The following BICC1 variants were observed in gnomAD, a reference collection of about 807,000 sequenced individuals.
BICC1 encodes BicC family RNA binding protein 1.
BICC1 carries 43 observed loss-of-function variants against 111.0 expected under a neutral mutation model. The observed-to-expected ratio is 0.39, with a 90% CI of 0.30 to 0.50. The LOEUF (loss-of-function observed/expected upper bound fraction) is 0.50, where lower values mean the gene tolerates loss of function less well. BICC1 is among the 20% of genes least tolerant of loss of function. The probability of loss-of-function intolerance (pLI) is 0.88; values close to 1 mark genes in which losing one functional copy is unlikely to be tolerated. For missense variants in BICC1, 1,091 were observed against 1,203.2 expected, an observed-to-expected ratio of 0.91 and a Z score of 1.38; for synonymous variants, 467 against 434.4, an observed-to-expected ratio of 1.07 and a Z score of -0.93.
chr10:58,656,606 T>A (rs564741941), intron 2 of BICC1, among the ~76,000 whole-genome samples: 1 of 152,048 alleles, frequency 6.6e-6, no homozygotes, highest in South Asian at 2.1e-4. Context: ...AACCACATGA[T>A]TATCTCAATA....
At chr10:58,668,333 A>G (rs1469668638) in intron 2 of BICC1, among the ~76,000 whole-genome samples, 2 of 152,044 alleles carry the variant, frequency 1.3e-5, no homozygotes, top group Non-Finnish European at 2.9e-5. Context: ...TCACTGAATG[A>G]CCTTATAAAA....
intron 3 of BICC1, among the ~76,000 whole-genome samples, chr10:58,756,626 CTTTTTTTTTTTTTTTTTT>C (rs66709538): frequency 3.7e-5 from 5 of 135,928 alleles, no homozygotes; most frequent in East Asian, 4.0e-4. Flanking sequence ...AACTACTAGC[CTTTTTTTTTTTTTTTTTT>C]TTTTTTTTTT....
intron 1 of BICC1, among the ~76,000 whole-genome samples, chr10:58,603,282 G>A (rs530513470): frequency 1.3e-5 from 2 of 152,282 alleles, no homozygotes; most frequent in African/African-American, 2.4e-5. Flanking sequence ...CAACTAGTTA[G>A]GATTATAGGA....
intron 5 of BICC1, among the ~76,000 whole-genome samples, chr10:58,787,874 A>G (rs1843057452): frequency 6.6e-6 from 1 of 152,188 alleles, no homozygotes; most frequent in South Asian, 2.1e-4. Context: ...TGCCAAGACT[A>G]ACACCTTGAG....
chr10:58,763,867 A>G (rs1842386320), intron 3 of BICC1, among the ~76,000 whole-genome samples: 1 of 152,100 alleles, frequency 6.6e-6, no homozygotes, highest in African/African-American at 2.4e-5. Flanking sequence ...ACTAGATAGT[A>G]AAGTTACACA....
intron 2 of BICC1, among the ~76,000 whole-genome samples, chr10:58,634,002 T>C (rs960464384): frequency 2.0e-5 from 3 of 148,286 alleles, no homozygotes; most frequent in African/African-American, 7.5e-5. Flanking sequence ...TTTCTTTTTT[T>C]TTTTTTTTTT....
At chr10:58,561,953 T>G (rs2131951461) in intron 1 of BICC1, among the ~76,000 whole-genome samples, 1 of 152,254 alleles carries the variant, frequency 6.6e-6, no homozygotes, top group Admixed American at 6.5e-5. Context: ...TACCATTTTC[T>G]TTTTGCTGGT....
intron 3 of BICC1, among the ~76,000 whole-genome samples, chr10:58,774,704 G>A (rs1842703968): frequency 6.6e-6 from 1 of 151,950 alleles, no homozygotes; most frequent in Non-Finnish European, 1.5e-5. Flanking sequence ...TTCTCCACTG[G>A]TTTTTATTTC....
At chr10:58,539,390 C>T (rs1039150228) in intron 1 of BICC1, among the ~76,000 whole-genome samples, 6 of 151,372 alleles carry the variant, frequency 4.0e-5, no homozygotes, top group Admixed American at 2.0e-4. Context: ...ACTCAGAAGG[C>T]TGGCAAGCAG....
At chr10:58,682,459 G>A (rs964091860) in intron 2 of BICC1, among the ~76,000 whole-genome samples, 2 of 152,172 alleles carry the variant, frequency 1.3e-5, no homozygotes, top group Admixed American at 6.5e-5. Flanking sequence ...TTCCACAGTG[G>A]TTGAACTAGT....
At chr10:58,742,847 T>C (rs1841713175) in intron 3 of BICC1, among the ~76,000 whole-genome samples, 1 of 152,226 alleles carries the variant, frequency 6.6e-6, no homozygotes, top group African/African-American at 2.4e-5. Context: ...TCCTTAATTT[T>C]CTACCATTCC....
intron 2 of BICC1, among the ~76,000 whole-genome samples, chr10:58,697,744 C>T (rs550764667): frequency 4.3e-4 from 66 of 152,248 alleles, no homozygotes; most frequent in South Asian, 2.5e-3. Flanking sequence ...ATGTGCTTGT[C>T]GGCCCCCAGA....
intron 3 of BICC1, among the ~76,000 whole-genome samples, chr10:58,727,758 GCTT>G (rs1303314585): frequency 7.9e-5 from 12 of 152,178 alleles, no homozygotes; most frequent in African/African-American, 2.9e-4. Context: ...TCAGTTAATA[GCTT>G]CTTCTTAATC....
chr10:58,689,919 C>G (rs2132404701), intron 2 of BICC1, among the ~76,000 whole-genome samples: 1 of 152,196 alleles, frequency 6.6e-6, no homozygotes, highest in East Asian at 1.9e-4. Flanking sequence ...TGTTTTTTAC[C>G]AGTATTTCAA....
At chr10:58,669,367 G>C (rs1839113179) in intron 2 of BICC1, among the ~76,000 whole-genome samples, 1 of 152,080 alleles carries the variant, frequency 6.6e-6, no homozygotes, top group Admixed American at 6.6e-5. Context: ...AGAATGATGA[G>C]AGTCTATTTG....
chr10:58,739,325 G>A (rs11006245), intron 3 of BICC1, among the ~76,000 whole-genome samples: 6,029 of 152,072 alleles, frequency 0.04, 398 homozygotes, highest in African/African-American at 0.13. Flanking sequence ...CCTTTTCTGC[G>A]TCTATTGAGA....
At chr10:58,550,766 T>C (rs913276902) in intron 1 of BICC1, among the ~76,000 whole-genome samples, 2 of 152,200 alleles carry the variant, frequency 1.3e-5, no homozygotes, top group Non-Finnish European at 1.5e-5. Context: ...GGTTGATTTC[T>C]GGGGTCTGTG....
intron 1 of BICC1, among the ~76,000 whole-genome samples, chr10:58,614,896 AT>A (rs1394896988): frequency 6.6e-6 from 1 of 152,210 alleles, no homozygotes; most frequent in African/African-American, 2.4e-5. Flanking sequence ...CTTTGAAAAT[AT>A]ATTTGATTCT....
At chr10:58,612,090 G>A (rs1254589064) in intron 1 of BICC1, among the ~76,000 whole-genome samples, 3 of 152,174 alleles carry the variant, frequency 2.0e-5, no homozygotes, top group African/African-American at 7.2e-5. Flanking sequence ...ATGAGATACA[G>A]CATTCAGATG....
Sources: gnomAD v4.1 joint callset for allele counts (sites outside exome capture counted in the v4.1 genomes callset) on GRCh38, gnomAD v4.1.1 for gene constraint, MANE v1.5 for transcripts, NCBI Gene and HGNC (gene_info 2026-07-23, HGNC 2026-07-21) for gene names.